The following MCM5 variants were observed in gnomAD, a reference collection of about 807,000 sequenced individuals.
MCM5 encodes minichromosome maintenance complex component 5.
MCM5 carries 46 observed loss-of-function variants against 79.9 expected under a neutral mutation model. The ratio of observed to expected loss-of-function variants is 0.58; its 90% confidence interval spans 0.45 to 0.74. MCM5 has a LOEUF of 0.74. Ranked by LOEUF, MCM5 falls within the 30% of genes least tolerant of loss-of-function variation. MCM5 has a pLI of 0.00. For synonymous variants in MCM5, 404 were observed against 390.5 expected, an observed-to-expected ratio of 1.03 and a Z score of -0.41; for missense variants, 883 against 1,017.0, an observed-to-expected ratio of 0.87 and a Z score of 1.79.
At chr22:35,400,247 C>T in intron 1 of MCM5, 39 bp downstream of exon 1, 1 of 626,094 alleles carries the variant, frequency 1.6e-6, no homozygotes, top group Non-Finnish European at 2.8e-6. Flanking sequence ...TGGGAGCCAG[C>T]AGGCATCTGG....
Position 35,421,405 on chromosome 22 carries a change from C to A in MCM5, c.1920C>A (p.Ala640=), listed in dbSNP as rs559193793. 8 of 1,614,130 alleles carry A rather than the reference C, an allele frequency of 5.0e-6. No individual in the cohort carries two copies. The African/African-American group carries it at 8.0e-5, about 16-fold the overall frequency. The stretch of plus-strand genomic sequence containing the variant: ...CCACAGAGGCAGATGTGGAGGAGGC[C>A]CTGCGGCTCTTCCAAGTGTCCACGT... ...PFATEADVEE[A]LRLFQVSTLD... Residue 640 remains alanine, a synonymous_variant, in exon 15 of 17, where the codon GCC becomes GCA. Coordinates refer to ENST00000216122, the MANE Select transcript of MCM5 (RefSeq NM_006739.4).
At chr22:35,433,569 G>A in the MCM5 span, among the ~76,000 whole-genome samples, 1 of 152,204 alleles carries the variant, frequency 6.6e-6, no homozygotes, top group Non-Finnish European at 1.5e-5. Flanking sequence ...ATGCCTAATG[G>A]CATTGGTTGC....
intron 8 of MCM5, among the ~76,000 whole-genome samples, chr22:35,413,225 T>C (rs1262735624): frequency 6.6e-6 from 1 of 152,064 alleles, no homozygotes; most frequent in Non-Finnish European, 1.5e-5. Flanking sequence ...TTTGTATTTT[T>C]AGTAGAGACA....
the MCM5 span, among the ~76,000 whole-genome samples, chr22:35,451,270 G>A: frequency 1.0e-4 from 9 of 85,912 alleles, no homozygotes; most frequent in South Asian, 1.1e-3. Context: ...CAGGGTTTTC[G>A]ATGAAGAATG....
the MCM5 span, among the ~76,000 whole-genome samples, chr22:35,431,381 G>A: frequency 6.6e-6 from 1 of 152,236 alleles, no homozygotes; most frequent in Non-Finnish European, 1.5e-5. Context: ...CTGAGAATCA[G>A]TCTGGATCTC....
chr22:35,417,123 A>G, intron 12 of MCM5, among the ~76,000 whole-genome samples: 1 of 152,208 alleles, frequency 6.6e-6, no homozygotes, highest in East Asian at 1.9e-4. Flanking sequence ...TATGAGTAAT[A>G]GAACCTCAGT....
chr22:35,436,894 G>GCCTAGAAACCCA, the MCM5 span, among the ~76,000 whole-genome samples: 1 of 151,958 alleles, frequency 6.6e-6, no homozygotes. Context: ...TTGCCAGGGG[G>GCCTAGAAACCCA]AGAGTCAGTT....
At chr22:35,407,887 C>T (rs1274689724) in intron 5 of MCM5, among the ~76,000 whole-genome samples, 1 of 152,168 alleles carries the variant, frequency 6.6e-6, no homozygotes, top group Non-Finnish European at 1.5e-5. Flanking sequence ...GTGCTGTGCC[C>T]CCTGCACCTG....
intron 6 of MCM5, chr22:35,409,408 TA>T (rs879410159): frequency 5.7e-4 from 83 of 146,478 alleles, no homozygotes; most frequent in South Asian, 8.5e-4. Flanking sequence ...ACCCTGTATC[TA>T]AAAAAAAAAA....
At chr22:35,407,926 G>A (rs1432787259) in intron 5 of MCM5, among the ~76,000 whole-genome samples, 1 of 152,166 alleles carries the variant, frequency 6.6e-6, no homozygotes, top group East Asian at 1.9e-4. Flanking sequence ...AGTAGGTTTT[G>A]CTATGATGTT....
At chr22:35,401,612 C>T (rs545134887) in intron 2 of MCM5, 62 of 471,008 alleles carry the variant, frequency 1.3e-4, no homozygotes, top group African/African-American at 3.6e-4. Flanking sequence ...TGTCTCTGGG[C>T]CTCACCAGGC....
chr22:35,430,896 A>G, the MCM5 span, among the ~76,000 whole-genome samples: 1 of 149,668 alleles, frequency 6.7e-6, no homozygotes, highest in Admixed American at 6.7e-5. Context: ...TGGTCTTTTT[A>G]AAAAAAATAA....
At chr22:35,454,645 A>G in the MCM5 span, among the ~76,000 whole-genome samples, 1 of 152,110 alleles carries the variant, frequency 6.6e-6, no homozygotes, top group Admixed American at 6.5e-5. Flanking sequence ...GATTTTGGAC[A>G]CCTTCCTTGA....
intron 14 of MCM5, 51 bp from the exon 15 acceptor site, chr22:35,421,267 G>A (rs372238662): frequency 2.5e-4 from 398 of 1,579,128 alleles, no homozygotes; most frequent in Admixed American, 4.7e-4. Context: ...TGGCTGGGGA[G>A]GAAGGGAATA....
At chr22:35,443,863 G>C in the MCM5 span, among the ~76,000 whole-genome samples, 1 of 149,394 alleles carries the variant, frequency 6.7e-6, no homozygotes, top group Non-Finnish European at 1.5e-5. Flanking sequence ...GGGGGCCGTG[G>C]GCCGTAGACT....
chr22:35,400,492 C>T lies in MCM5; in HGVS notation c.54C>T (p.Asp18=), dbSNP rs1260649916. The change falls in exon 2 of 17, where the codon GAC becomes GAT. Residue 18 remains aspartate (D), a synonymous_variant. Coordinates refer to ENST00000216122, the MANE Select transcript of MCM5 (RefSeq NM_006739.4). Reference sequence around the variant, plus strand: ...TCTACAGCGACAGCTTCGGGGGCGACGCCCAGGCCGACGAGGGGCAGGCCC... The same window carrying T: ...TCTACAGCGACAGCTTCGGGGGCGATGCCCAGGCCGACGAGGGGCAGGCCC... ...GIFYSDSFGG[D]AQADEGQARK... The T allele has an allele frequency of 1.3e-5, 21 of 1,613,986 alleles. No homozygotes were observed. Among genetic ancestry groups the T allele is most frequent in the East Asian group, 1.1e-4 (5 of 44,894 alleles).
chr22:35,429,845 G>C (rs1441871411), downstream of MCM5, among the ~76,000 whole-genome samples: 2 of 152,130 alleles, frequency 1.3e-5, no homozygotes, highest in Non-Finnish European at 2.9e-5. Flanking sequence ...TTCTTCCTTA[G>C]AGAACCAGCT....
At chr22:35,434,223 T>C in the MCM5 span, among the ~76,000 whole-genome samples, 1 of 151,976 alleles carries the variant, frequency 6.6e-6, no homozygotes, top group Non-Finnish European at 1.5e-5. Context: ...TTTAGGCAGC[T>C]TTCCTGGATG....
At chr22:35,449,590 C>T in the MCM5 span, among the ~76,000 whole-genome samples, 4,930 of 55,018 alleles carry the variant, frequency 0.09, 175 homozygotes, top group South Asian at 0.17. Flanking sequence ...CTGTCCCAGC[C>T]GTGGCCCCTC....
Sources: gnomAD v4.1 joint callset for allele counts (sites outside exome capture counted in the v4.1 genomes callset) on GRCh38, gnomAD v4.1.1 for gene constraint, MANE v1.5 for transcripts, NCBI Gene and HGNC (gene_info 2026-07-23, HGNC 2026-07-21) for gene names.